KCNMA1: variants seen among roughly 807,000 people sequenced by gnomAD.
KCNMA1 encodes Calcium-activated potassium channel subunit alpha-1.
KCNMA1 carries 29 observed loss-of-function variants against 140.0 expected under a neutral mutation model. That is an observed-to-expected ratio of 0.21 (90% CI 0.15 to 0.28). The LOEUF (loss-of-function observed/expected upper bound fraction) is 0.28, where lower values mean the gene tolerates loss of function less well. Among genes scored for constraint, KCNMA1 ranks in the 10% least tolerant of loss-of-function variants. The pLI is 1.00. For synonymous variants in KCNMA1, 612 were observed against 611.9 expected, an observed-to-expected ratio of 1.00 and a Z score of 0.00; for missense variants, 880 against 1,602.2, an observed-to-expected ratio of 0.55 and a Z score of 7.70.
intron 24 of KCNMA1, 192 bp from the exon 25 acceptor site, chr10:76,910,288 A>T: frequency 1.6e-6 from 1 of 612,278 alleles, no homozygotes; most frequent in South Asian, 1.7e-5. Context: ...GTCACTGTTT[A>T]AGTGTCTGAG....
At chr10:77,389,868 C>A (rs2095752130) in intron 2 of KCNMA1, among the ~76,000 whole-genome samples, 3 of 152,166 alleles carry the variant, frequency 2.0e-5, no homozygotes, top group Admixed American at 1.3e-4. Flanking sequence ...CTCACGGGGC[C>A]TTGTAAGCCA....
chr10:77,548,731 A>G (rs1264270231), intron 1 of KCNMA1, among the ~76,000 whole-genome samples: 5 of 152,184 alleles, frequency 3.3e-5, no homozygotes, highest in Admixed American at 6.5e-5. Context: ...GAGTCATATC[A>G]TGTCTCTGGG....
rs140053515 is a variant in KCNMA1 at position 77,374,482 on chromosome 10, A to G, written c.540+29380T>C. On this transcript the variant is annotated intron_variant, in intron 2 of 27. Transcript: ENST00000286628. ...ATGCCAGGGCCATTTACAGCTCACA[A>G]CTCACTGCTCTCTAAACATTTACAC... 2.1e-3 allele frequency among the ~76,000 whole-genome samples: 315 copies of G among 152,278 alleles called. 1 individual carries two copies. Among genetic ancestry groups the G allele is most frequent in the African/African-American group, 7.1e-3 (295 of 41,560 alleles).
At chr10:77,008,150 T>A in intron 18 of KCNMA1, 1 of 1,531,164 alleles carries the variant, frequency 6.5e-7, no homozygotes, top group Non-Finnish European at 8.7e-7. Context: ...CAGGGGGAAC[T>A]GGACTCCGGG....
chr10:77,149,052 C>T (rs578149880), intron 5 of KCNMA1, among the ~76,000 whole-genome samples: 4 of 152,280 alleles, frequency 2.6e-5, no homozygotes, highest in South Asian at 2.1e-4. Context: ...TTCAAATAGA[C>T]GATGAAATCC....
At chr10:77,425,713 A>G (rs1399077228) in intron 1 of KCNMA1, among the ~76,000 whole-genome samples, 1 of 152,164 alleles carries the variant, frequency 6.6e-6, no homozygotes, top group Non-Finnish European at 1.5e-5. Flanking sequence ...CTGGATGACT[A>G]AGAGTCCTAA....
chr10:77,508,322 G>A (rs1397757068), intron 1 of KCNMA1, among the ~76,000 whole-genome samples: 5 of 147,738 alleles, frequency 3.4e-5, no homozygotes, highest in African/African-American at 7.5e-5. Context: ...CTACAGATAC[G>A]CATCACCATG....
chr10:77,561,211 C>CAG (rs2066284849), intron 1 of KCNMA1, among the ~76,000 whole-genome samples: 1 of 152,056 alleles, frequency 6.6e-6, no homozygotes, highest in Non-Finnish European at 1.5e-5. Flanking sequence ...CTATGGGCTT[C>CAG]ACACACATTA....
At chr10:77,061,199 C>A (rs1297386772) in intron 14 of KCNMA1, among the ~76,000 whole-genome samples, 2 of 152,014 alleles carry the variant, frequency 1.3e-5, no homozygotes, top group East Asian at 3.9e-4. Flanking sequence ...TTAAAAACTT[C>A]TTTCCAGGAA....
At chr10:77,415,037 A>C (rs1393656033) in intron 1 of KCNMA1, among the ~76,000 whole-genome samples, 1 of 152,200 alleles carries the variant, frequency 6.6e-6, no homozygotes, top group African/African-American at 2.4e-5. Flanking sequence ...CTAAGTAACA[A>C]AATCCTGTAG....
intron 1 of KCNMA1, among the ~76,000 whole-genome samples, chr10:77,592,760 A>G (rs755794827): frequency 6.6e-6 from 1 of 152,208 alleles, no homozygotes; most frequent in African/African-American, 2.4e-5. Context: ...ATGAATTCTG[A>G]CCACGCTTTG....
intron 12 of KCNMA1, among the ~76,000 whole-genome samples, chr10:77,082,708 G>T (rs370047176): frequency 5.3e-4 from 80 of 152,148 alleles, no homozygotes; most frequent in African/African-American, 1.9e-3. Flanking sequence ...ACTGATTCGG[G>T]AATGAGCCCA....
Position 76,885,136 on chromosome 10 carries a change from A to G in KCNMA1, c.*2130T>C. 4 of 1,427,418 alleles carry G rather than the reference A, an allele frequency of 2.8e-6. No homozygotes were observed. Among genetic ancestry groups the G allele is most frequent in the African/African-American group, 1.4e-5 (1 of 69,064 alleles). 88.4% of individuals were successfully genotyped at this position (1,427,418 alleles called of 1,614,324 possible). A position where few individuals can be genotyped will look rare whatever the true frequency, so the allele number is the denominator to read the frequency against. On this transcript the variant is annotated 3_prime_UTR_variant, in exon 28 of 28. Transcript: ENST00000286628. ...ATAAATGTTCTGAGGGCGTAACTTT[A>G]TAACCTCCTTTGCAAAGAATGCATG...
intron 1 of KCNMA1, among the ~76,000 whole-genome samples, chr10:77,405,498 AG>A (rs2096442372): frequency 6.6e-6 from 1 of 152,250 alleles, no homozygotes. Context: ...GATAAAATAC[AG>A]GATACCCAGT....
chr10:77,027,971 G>C, intron 15 of KCNMA1, 80 bp from the exon 16 acceptor site: 2 of 1,271,066 alleles, frequency 1.6e-6, no homozygotes, highest in South Asian at 2.4e-5. Context: ...ACGATCTTTC[G>C]GTCTCCTAAT....
At chr10:76,982,595 T>C (rs370401002) in intron 19 of KCNMA1, among the ~76,000 whole-genome samples, 1 of 152,020 alleles carries the variant, frequency 6.6e-6, no homozygotes, top group Non-Finnish European at 1.5e-5. Context: ...AGCAGGAAAA[T>C]GTGTTTGAGG....
intron 23 of KCNMA1, among the ~76,000 whole-genome samples, chr10:76,926,999 G>A (rs879494023): frequency 1.3e-5 from 2 of 152,002 alleles, no homozygotes; most frequent in Non-Finnish European, 2.9e-5. Context: ...GCTGCTATGC[G>A]ATCACAGTCG....
intron 1 of KCNMA1, among the ~76,000 whole-genome samples, chr10:77,529,903 TA>T (rs1172658807): frequency 6.6e-6 from 1 of 152,176 alleles, no homozygotes. Flanking sequence ...GGGAGCCAAG[TA>T]CTAGGCTCTC....
chr10:77,189,367 T>C (rs2098918164), intron 3 of KCNMA1, among the ~76,000 whole-genome samples: 1 of 152,076 alleles, frequency 6.6e-6, no homozygotes, highest in African/African-American at 2.4e-5. Flanking sequence ...GAACAGACAT[T>C]TTCTGTTTCA....
Sources: gnomAD v4.1 joint callset for allele counts (sites outside exome capture counted in the v4.1 genomes callset) on GRCh38, gnomAD v4.1.1 for gene constraint, MANE v1.5 for transcripts, NCBI Gene and HGNC (gene_info 2026-07-23, HGNC 2026-07-21) for gene names.